The following GPC5 variants were observed in gnomAD, a reference collection of about 807,000 sequenced individuals.
GPC5 encodes the protein glypican 5, also known as glypican-5.
A neutral mutation model predicts 53.9 loss-of-function variants in GPC5; 47 were observed. That is an observed-to-expected ratio of 0.87 (90% CI 0.69 to 1.11). GPC5 has a LOEUF of 1.11. Ranked by LOEUF, GPC5 falls within the 50% of genes most tolerant of loss-of-function variation. The pLI, the probability that GPC5 is intolerant of heterozygous loss-of-function variation, is 0.00. For missense variants in GPC5, 748 were observed against 713.1 expected, an observed-to-expected ratio of 1.05 and a Z score of -0.56; for synonymous variants, 286 against 263.3, an observed-to-expected ratio of 1.09 and a Z score of -0.84.
At chr13:92,062,656 T>C (rs939815585) in intron 6 of GPC5, among the ~76,000 whole-genome samples, 4 of 152,038 alleles carry the variant, frequency 2.6e-5, no homozygotes, top group Non-Finnish European at 5.9e-5. Flanking sequence ...TTTTGTAAAA[T>C]AGTAAAATAA....
At chr13:92,392,793 A>G (rs538310147) in intron 7 of GPC5, among the ~76,000 whole-genome samples, 1 of 152,196 alleles carries the variant, frequency 6.6e-6, no homozygotes, top group African/African-American at 2.4e-5. Flanking sequence ...AAGCATATAT[A>G]AAAAAAGCTC....
At chr13:92,320,922 C>A (rs909722382) in intron 7 of GPC5, among the ~76,000 whole-genome samples, 1 of 152,146 alleles carries the variant, frequency 6.6e-6, no homozygotes, top group African/African-American at 2.4e-5. Flanking sequence ...CTTCTTGAAT[C>A]TTTGACCCTT....
At chr13:92,183,870 G>T (rs9560962) in intron 7 of GPC5, among the ~76,000 whole-genome samples, 31,553 of 151,708 alleles carry the variant, frequency 0.21, 4,216 homozygotes, top group East Asian at 0.67. Flanking sequence ...TGCATTCTGG[G>T]TAATCTCTTA....
chr13:91,916,967 T>G (rs1283616286), intron 6 of GPC5, among the ~76,000 whole-genome samples: 2 of 152,196 alleles, frequency 1.3e-5, no homozygotes, highest in Non-Finnish European at 2.9e-5. Flanking sequence ...ATTCTGCCCC[T>G]GGCTTCTTCC....
intron 7 of GPC5, among the ~76,000 whole-genome samples, chr13:92,333,259 G>A (rs1290041780): frequency 2.6e-5 from 4 of 152,098 alleles, no homozygotes; most frequent in East Asian, 1.9e-4. Flanking sequence ...TCTCCTCATC[G>A]TTCTGGTGTG....
chr13:91,739,159 C>T (rs1386058469), intron 4 of GPC5, among the ~76,000 whole-genome samples: 3 of 151,466 alleles, frequency 2.0e-5, no homozygotes, highest in Non-Finnish European at 4.4e-5. Flanking sequence ...ACTGAGCCCT[C>T]ATTAACTTCA....
intron 2 of GPC5, among the ~76,000 whole-genome samples, chr13:91,489,432 G>A (rs1462710954): frequency 6.6e-5 from 10 of 152,064 alleles, no homozygotes; most frequent in Admixed American, 2.0e-4. Flanking sequence ...AAATATTGGG[G>A]GCTGAATTTT....
chr13:92,616,142 T>C (rs1884684411), intron 7 of GPC5, among the ~76,000 whole-genome samples: 1 of 152,180 alleles, frequency 6.6e-6, no homozygotes, highest in African/African-American at 2.4e-5. Flanking sequence ...AAAAGGCTGA[T>C]AAAAATAAGG....
intron 7 of GPC5, among the ~76,000 whole-genome samples, chr13:92,466,043 A>G (rs1175726024): frequency 6.6e-6 from 1 of 152,024 alleles, no homozygotes; most frequent in African/African-American, 2.4e-5. Flanking sequence ...CTAGAAGAGG[A>G]CACTTTAAAT....
intron 7 of GPC5, among the ~76,000 whole-genome samples, chr13:92,312,191 G>T (rs949687876): frequency 1.3e-5 from 2 of 152,136 alleles, no homozygotes; most frequent in African/African-American, 2.4e-5. Context: ...AGATTTTAAA[G>T]AATATGGATT....
intron 7 of GPC5, among the ~76,000 whole-genome samples, chr13:92,808,300 GCA>G (rs755366106): frequency 3.3e-5 from 5 of 151,952 alleles, no homozygotes; most frequent in African/African-American, 1.2e-4. Flanking sequence ...GTATGCGTAT[GCA>G]CACACACACA....
At chr13:91,477,034 T>C (rs1882970055) in intron 2 of GPC5, among the ~76,000 whole-genome samples, 1 of 152,130 alleles carries the variant, frequency 6.6e-6, no homozygotes, top group Non-Finnish European at 1.5e-5. Context: ...CATCACTCCA[T>C]CCTCCTGTGG....
chr13:92,109,883 G>A (rs924571328), intron 6 of GPC5, among the ~76,000 whole-genome samples: 1 of 152,010 alleles, frequency 6.6e-6, no homozygotes, highest in Non-Finnish European at 1.5e-5. Flanking sequence ...ATACTATGTT[G>A]TATATTATGA....
intron 7 of GPC5, among the ~76,000 whole-genome samples, chr13:92,565,659 G>GTAAAA (rs1882840654): frequency 6.6e-6 from 1 of 152,022 alleles, no homozygotes; most frequent in African/African-American, 2.4e-5. Flanking sequence ...GCACAGAGTT[G>GTAAAA]TAAAATAATC....
At chr13:91,641,250 C>T (rs1262077569) in intron 2 of GPC5, among the ~76,000 whole-genome samples, 1 of 152,160 alleles carries the variant, frequency 6.6e-6, no homozygotes, top group Non-Finnish European at 1.5e-5. Context: ...ATGGCGTGAA[C>T]CCAGGAGGCG....
intron 7 of GPC5, among the ~76,000 whole-genome samples, chr13:92,863,693 A>G (rs1274386971): frequency 6.6e-6 from 1 of 152,096 alleles, no homozygotes; most frequent in Non-Finnish European, 1.5e-5. Context: ...GGGTTTCTCC[A>G]TGTTGGTCAG....
At chr13:91,776,666 C>T (rs568766909) in intron 5 of GPC5, among the ~76,000 whole-genome samples, 1 of 152,192 alleles carries the variant, frequency 6.6e-6, no homozygotes, top group Admixed American at 6.5e-5. Flanking sequence ...TTGTTATGCT[C>T]TAGGGCCAGT....
At chr13:91,560,910 C>T (rs948475248) in intron 2 of GPC5, among the ~76,000 whole-genome samples, 1 of 152,092 alleles carries the variant, frequency 6.6e-6, no homozygotes, top group Non-Finnish European at 1.5e-5. Context: ...GTGGTTGAAG[C>T]CTAGCTTGTG....
intron 3 of GPC5, among the ~76,000 whole-genome samples, chr13:91,715,754 T>A (rs1452295365): frequency 1.3e-5 from 2 of 151,652 alleles, no homozygotes; most frequent in East Asian, 3.9e-4. Flanking sequence ...GTTGTTTTTT[T>A]TTTTTTTAAG....
Sources: allele counts gnomAD v4.1 joint callset (sites outside exome capture counted in the v4.1 genomes callset), GRCh38; gene constraint gnomAD v4.1.1; transcripts MANE v1.5; gene names NCBI Gene and HGNC (gene_info 2026-07-23, HGNC 2026-07-21).